CRMP1: variants seen among roughly 807,000 people sequenced by gnomAD.
The protein encoded by CRMP1 is dihydropyrimidinase-related protein 1.
A neutral mutation model predicts 68.3 loss-of-function variants in CRMP1; 19 were observed. The observed-to-expected ratio is 0.28, with a 90% CI of 0.19 to 0.41. The LOEUF (loss-of-function observed/expected upper bound fraction) is 0.41. CRMP1 is among the 10% of genes least tolerant of loss of function. The probability of loss-of-function intolerance (pLI) is 1.00; values close to 1 mark genes in which losing one functional copy is unlikely to be tolerated. For missense variants in CRMP1, 791 were observed against 967.4 expected, an observed-to-expected ratio of 0.82 and a Z score of 2.42; for synonymous variants, 439 against 399.6, an observed-to-expected ratio of 1.10 and a Z score of -1.18.
chr4:5,847,063 C>T (rs1712276036), intron 6 of CRMP1, among the ~76,000 whole-genome samples: 1 of 152,148 alleles, frequency 6.6e-6, no homozygotes, highest in Non-Finnish European at 1.5e-5. Context: ...GACTTATTCT[C>T]AGGCTTTGAA....
rs1019208712 is a variant in CRMP1 at position 5,877,525 on chromosome 4, G to C, written c.382-10769C>G. Among the ~76,000 whole-genome samples, 1 of 152,164 alleles carries C rather than the reference G, an allele frequency of 6.6e-6. No individual in the cohort carries two copies. Among genetic ancestry groups the C allele is most frequent in the African/African-American group, 2.4e-5 (1 of 41,418 alleles). On this transcript the variant is annotated intron_variant, in intron 1 of 13. Transcript: ENST00000324989. This position sits in a 1 kb window ranked among gnomAD's most constrained non-coding sequence, Gnocchi z 4.3. ...ATTTATTCACAGAAACCATCCATTT[G>C]CCTTTGATTTTGCCTCCGGGGACGA...
rs3755853 is a variant in CRMP1, at chr4:5,889,306, C to T, written c.381+3283G>A. Among the ~76,000 whole-genome samples, 31 of 152,324 alleles carry T rather than the reference C, an allele frequency of 2.0e-4. 1 individual carries two copies. The East Asian group carries it at 5.8e-3, about 29-fold the overall frequency. On this transcript the variant is annotated intron_variant, in intron 1 of 13. Coordinates refer to ENST00000324989, the MANE Select transcript of CRMP1 (RefSeq NM_001014809.3). The surrounding 1 kb of genome is among the most constrained non-coding windows in gnomAD (Gnocchi z 4.5). ...ACACTGGGGCCACCAGGTCACCCCACAGAATTGCCTCCAAGACAGCAGGTG... is the reference window on the plus strand; with the variant it reads ...ACACTGGGGCCACCAGGTCACCCCATAGAATTGCCTCCAAGACAGCAGGTG...
intron 1 of CRMP1, among the ~76,000 whole-genome samples, chr4:5,875,191 A>G (rs55716914): frequency 6.8e-6 from 1 of 146,652 alleles, no homozygotes; most frequent in South Asian, 2.2e-4. Flanking sequence ...AACAAAAAAA[A>G]CAAACAGCAG....
chr4:5,828,743 C>T, intron 11 of CRMP1, 75 bp from the exon 12 acceptor site: 1 of 1,523,918 alleles, frequency 6.6e-7, no homozygotes, highest in Non-Finnish European at 8.9e-7. Context: ...AGCGATTTTG[C>T]CTAACATTAT....
At position 5,887,714 on chromosome 4, in the gene CRMP1, G is replaced by C. The variant is rs373602295; in HGVS notation, c.381+4875C>G. On this transcript the variant is annotated intron_variant, in intron 1 of 13. Transcript: ENST00000324989. ...AGCTTCCATCATGGCGCTGTCCCTAGGTCCGGACTTCCACTCCATCAGTAA... is the reference window on the plus strand; with the variant it reads ...AGCTTCCATCATGGCGCTGTCCCTACGTCCGGACTTCCACTCCATCAGTAA... The C allele has an allele frequency of 1.0e-4, 103 of 985,584 alleles. 1 individual carries two copies. The African/African-American group carries it at 1.7e-3, about 16-fold the overall frequency. The allele number at this position is 985,584 out of a possible 1,614,324, so 61.1% of individuals were successfully genotyped here.
intron 4 of CRMP1, among the ~76,000 whole-genome samples, chr4:5,852,806 G>T (rs1297795931): frequency 6.6e-6 from 1 of 152,140 alleles, no homozygotes; most frequent in African/African-American, 2.4e-5. Context: ...GGGATGCATG[G>T]GGGGGTTGCA....
intron 12 of CRMP1, among the ~76,000 whole-genome samples, chr4:5,827,746 C>CACAT (rs1553902563): frequency 7.9e-5 from 12 of 152,050 alleles, no homozygotes; most frequent in African/African-American, 1.9e-4. Context: ...CACACACACA[C>CACAT]ACACACACGA....
intron 11 of CRMP1, among the ~76,000 whole-genome samples, chr4:5,832,180 A>G (rs1157616674): frequency 1.3e-5 from 2 of 152,218 alleles, no homozygotes; most frequent in African/African-American, 4.8e-5. Flanking sequence ...GGTGAGAGAG[A>G]GGGACTGATT....
rs1720495699 is a variant in CRMP1, at chr4:5,833,158, A to ATTTT, written c.1623+2756_1623+2757insAAAA. On this transcript the variant is annotated intron_variant, in intron 11 of 13. Coordinates refer to ENST00000324989, the MANE Select transcript of CRMP1 (RefSeq NM_001014809.3). ...TTGGTTTCAACTTCTACCTTCCAGA[A>ATTTT]CTTTTTTTTTTTTTTTTTTTTTTTT... Among the ~76,000 whole-genome samples, 19 of 124,776 alleles carry ATTTT rather than the reference A, an allele frequency of 1.5e-4. 1 individual carries two copies. The South Asian group carries it at 2.3e-3, about 15-fold the overall frequency. 81.9% of individuals were successfully genotyped at this position (124,776 alleles called of 152,430 possible). A position where few individuals can be genotyped will look rare whatever the true frequency, so the allele number is the denominator to read the frequency against.
chr4:5,879,832 G>T lies in CRMP1; in HGVS notation c.381+12757C>A, dbSNP rs1280944111. ...TTTTATTTGGATTCCTTTTTATTCTGCATGTTCAGAAATAAAATATAGCAA... is the reference window on the plus strand; with the variant it reads ...TTTTATTTGGATTCCTTTTTATTCTTCATGTTCAGAAATAAAATATAGCAA... On this transcript the variant is annotated intron_variant, in intron 1 of 13. Transcript: ENST00000324989. The surrounding 1 kb of genome is among the most constrained non-coding windows in gnomAD (Gnocchi z 4.2). 1.3e-5 allele frequency among the ~76,000 whole-genome samples: 2 copies of T among 150,484 alleles called. No individual in the cohort carries two copies. Among genetic ancestry groups the T allele is most frequent in the East Asian group, 1.9e-4 (1 of 5,170 alleles).
rs2152467997 is a variant in CRMP1 at position 5,861,288 on chromosome 4, A to G, written c.471-78T>C. 6.9e-7 allele frequency: 1 copy of G among 1,443,498 alleles called. No homozygotes were observed. The highest frequency in any genetic ancestry group is 1.4e-5 in the African/African-American group (1 of 71,366). The allele number at this position is 1,443,498 out of a possible 1,614,324, so 89.4% of individuals were successfully genotyped here. A position where few individuals can be genotyped will look rare whatever the true frequency, so the allele number is the denominator to read the frequency against. On this transcript the variant is annotated intron_variant, in intron 2 of 13. Transcript: ENST00000324989. This position sits in a 1 kb window ranked among gnomAD's most constrained non-coding sequence, Gnocchi z 6.0. ...GCAGTCAACCCGCAGCTTCAGTTCC[A>G]TGAAATAAACATTTCTGAGCCAGGC... is the stretch of plus-strand genomic sequence containing the variant.
At chr4:5,885,040 C>A (rs556963257) in intron 1 of CRMP1, among the ~76,000 whole-genome samples, 60 of 151,810 alleles carry the variant, frequency 4.0e-4, no homozygotes, top group African/African-American at 1.4e-3. Context: ...TTCACACAGT[C>A]CTTGGGGGCA....
chr4:5,846,651 C>T (rs1041828626), intron 6 of CRMP1, among the ~76,000 whole-genome samples: 4 of 150,444 alleles, frequency 2.7e-5, no homozygotes, highest in Non-Finnish European at 4.4e-5. Context: ...AGTGTAGTGG[C>T]GTGATCTCAT....
rs1715382043 is a variant in CRMP1 at position 5,883,737 on chromosome 4, GAC to G, written c.381+8850_381+8851del. On this transcript the variant is annotated intron_variant, in intron 1 of 13. Coordinates refer to ENST00000324989, the MANE Select transcript of CRMP1 (RefSeq NM_001014809.3). This position sits in a 1 kb window ranked among gnomAD's most constrained non-coding sequence, Gnocchi z 4.5. ...CATTCTGAATTTTCATTTCCTCAAA[GAC>G]ACAGCCTGAGTTTTCAGAACAGAGC... Among the ~76,000 whole-genome samples, 1 of 151,792 alleles carries G rather than the reference GAC, an allele frequency of 6.6e-6. No homozygotes were observed. The highest frequency in any genetic ancestry group is 2.4e-5 in the African/African-American group (1 of 41,288).
Position 5,821,651 on chromosome 4 carries a change from C to G in CRMP1, c.*109G>C. On this transcript the variant is annotated 3_prime_UTR_variant, in exon 14 of 14. Coordinates refer to ENST00000324989, the MANE Select transcript of CRMP1 (RefSeq NM_001014809.3). The surrounding 1 kb of genome is among the most constrained non-coding windows in gnomAD (Gnocchi z 4.4). ...GGAAAGAGCATCCTTCGACTTCCCC[C>G]TCCCTCCATCAGCACCAACTAAAAC... 1 of 1,017,306 alleles carries G rather than the reference C, an allele frequency of 9.8e-7. No homozygotes were observed. Among genetic ancestry groups the G allele is most frequent in the Non-Finnish European group, 1.4e-6 (1 of 692,140 alleles). 63.0% of individuals were successfully genotyped at this position (1,017,306 alleles called of 1,614,324 possible). A position where few individuals can be genotyped will look rare whatever the true frequency, so the allele number is the denominator to read the frequency against.
intron 11 of CRMP1, among the ~76,000 whole-genome samples, chr4:5,833,129 C>T (rs1720493444): frequency 6.6e-6 from 1 of 151,160 alleles, no homozygotes; most frequent in Admixed American, 6.6e-5. Flanking sequence ...GCCTGGCCAA[C>T]ACCTTGGTTT....
At chr4:5,845,379 C>T (rs1051452295) in intron 6 of CRMP1, among the ~76,000 whole-genome samples, 4 of 152,218 alleles carry the variant, frequency 2.6e-5, no homozygotes, top group Admixed American at 6.5e-5. Context: ...TGAAGGAAGC[C>T]GCCTCGCTGG....
chr4:5,821,670 C>G lies in CRMP1; in HGVS notation c.*90G>C. The G allele has an allele frequency of 7.7e-7, 1 of 1,292,768 alleles. No homozygotes were observed. The highest frequency in any genetic ancestry group is 1.1e-6 in the Non-Finnish European group (1 of 928,426). The allele number at this position is 1,292,768 out of a possible 1,614,324, so 80.1% of individuals were successfully genotyped here. On this transcript the variant is annotated 3_prime_UTR_variant, in exon 14 of 14. Coordinates refer to ENST00000324989, the MANE Select transcript of CRMP1 (RefSeq NM_001014809.3). This position sits in a 1 kb window ranked among gnomAD's most constrained non-coding sequence, Gnocchi z 4.4. ...TTCCCCCTCCCTCCATCAGCACCAA[C>G]TAAAACTGTGGGTTTCAAAAACACT...
chr4:5,836,981 A>C, intron 9 of CRMP1, 75 bp from the exon 10 acceptor site: 1 of 1,480,532 alleles, frequency 6.8e-7, no homozygotes, highest in Non-Finnish European at 9.1e-7. Flanking sequence ...AGACAGGTAC[A>C]TGCAGCACAG....
Sources: gnomAD v4.1 joint callset for allele counts (sites outside exome capture counted in the v4.1 genomes callset) on GRCh38, gnomAD v4.1.1 for gene constraint, Gnocchi (gnomAD v3.1) non-coding constraint, MANE v1.5 for transcripts, NCBI Gene and HGNC (gene_info 2026-07-23, HGNC 2026-07-21) for gene names.